The following ZFYVE9 variants were observed in gnomAD, a reference collection of about 807,000 sequenced individuals.
ZFYVE9 encodes the protein zinc finger FYVE domain-containing protein 9.
In ZFYVE9, 43 loss-of-function variants were observed where a neutral mutation model predicts 126.7. The ratio of observed to expected loss-of-function variants is 0.34; its 90% CI spans 0.27 to 0.44. ZFYVE9 has a LOEUF of 0.44. Among genes scored for constraint, ZFYVE9 ranks in the 20% least tolerant of loss-of-function variants. ZFYVE9 has a pLI of 1.00. For synonymous variants in ZFYVE9, 521 were observed against 597.4 expected (o/e 0.87, Z 1.87); for missense variants, 1,476 against 1,697.0 (o/e 0.87, Z 2.29).
intron 11 of ZFYVE9, among the ~76,000 whole-genome samples, chr1:52,294,241 T>C (rs1172410394): frequency 6.6e-6 from 1 of 152,234 alleles, no homozygotes; most frequent in African/African-American, 2.4e-5. Context: ...TCCGACCACT[T>C]GAGTAAGATT....
At chr1:52,278,703 T>G (rs1645772600) in intron 9 of ZFYVE9, 89 bp downstream of exon 9, 1 of 949,992 alleles carries the variant, frequency 1.1e-6, no homozygotes, top group South Asian at 1.9e-5. Context: ...ACAAGTATTT[T>G]TATATAGAGC....
In ZFYVE9 at chr1:52,238,099, C is replaced by T. The variant is rs1645293075; in HGVS notation, c.682C>T (p.His228Tyr). The T allele has an allele frequency of 1.2e-6, 2 of 1,613,876 alleles. No individual in the cohort carries two copies. The highest frequency in any genetic ancestry group is 1.3e-5 in the African/African-American group (1 of 74,892). ...GAAAACAGAGGGGAGATCTGTTAAC[C>T]ATCTGTGTCCTACTTCATCTGATAG... is the stretch of plus-strand genomic sequence containing the variant. ...RPKTEGRSVN[H>Y]LCPTSSDSLA... is the part of the protein sequence containing the mutation. Residue 228 changes from histidine (H) to tyrosine (Y), a missense_variant, in exon 4 of 19, where the codon CAT (histidine) becomes TAT (tyrosine). Around this residue, in one of 2 missense-constraint regions of ZFYVE9, gnomAD observed 807 missense variants for 794.6 expected, o/e 1.02. Coordinates refer to ENST00000287727, the MANE Select transcript of ZFYVE9 (RefSeq NM_004799.4).
intron 2 of ZFYVE9, among the ~76,000 whole-genome samples, chr1:52,231,627 CTCTT>C (rs1181562358): frequency 6.6e-6 from 1 of 151,946 alleles, no homozygotes; most frequent in Non-Finnish European, 1.5e-5. Context: ...TGGGAAAATA[CTCTT>C]TCTTTTTTTG....
chr1:52,168,640 C>G (rs1445990195), intron 1 of ZFYVE9, among the ~76,000 whole-genome samples: 2 of 151,838 alleles, frequency 1.3e-5, no homozygotes, highest in South Asian at 4.1e-4. Flanking sequence ...CTCAGCCTCC[C>G]AAGTAGCTGG....
intron 13 of ZFYVE9, among the ~76,000 whole-genome samples, chr1:52,323,792 A>G (rs1280005555): frequency 2.0e-5 from 3 of 151,854 alleles, no homozygotes; most frequent in Non-Finnish European, 4.4e-5. Context: ...GCACATGCCT[A>G]TAATCCCAGC....
chr1:52,276,211 A>G (rs943523039), intron 8 of ZFYVE9, among the ~76,000 whole-genome samples: 1 of 152,000 alleles, frequency 6.6e-6, no homozygotes, highest in Non-Finnish European at 1.5e-5. Flanking sequence ...CGGTCTGACA[A>G]TGTTTCTTAT....
chr1:52,211,344 A>G (rs1240072711), intron 1 of ZFYVE9, among the ~76,000 whole-genome samples: 4 of 152,204 alleles, frequency 2.6e-5, no homozygotes, highest in Admixed American at 1.3e-4. Flanking sequence ...CTACGTCACA[A>G]TCACATTAAA....
intron 17 of ZFYVE9, among the ~76,000 whole-genome samples, chr1:52,341,159 G>A (rs1646433861): frequency 6.6e-6 from 1 of 152,244 alleles, no homozygotes; most frequent in Non-Finnish European, 1.5e-5. Context: ...GGTGGAGGTT[G>A]TGGTGAGCCG....
intron 1 of ZFYVE9, among the ~76,000 whole-genome samples, chr1:52,182,989 T>C (rs899616180): frequency 6.6e-6 from 1 of 152,210 alleles, no homozygotes; most frequent in African/African-American, 2.4e-5. Flanking sequence ...GATTGGCAAT[T>C]AGAAAGTCAT....
chr1:52,197,257 G>C (rs931000893), intron 1 of ZFYVE9, among the ~76,000 whole-genome samples: 2 of 152,150 alleles, frequency 1.3e-5, no homozygotes, highest in African/African-American at 4.8e-5. Context: ...GGGAGTGATA[G>C]AGAATTACTA....
chr1:52,172,523 T>C (rs1227970888), intron 1 of ZFYVE9, among the ~76,000 whole-genome samples: 5 of 152,166 alleles, frequency 3.3e-5, no homozygotes, highest in African/African-American at 1.2e-4. Flanking sequence ...AGTAGTTTTT[T>C]CCAATTCTGT....
chr1:52,184,581 TGGGTGGC>T (rs1464298547), intron 1 of ZFYVE9, among the ~76,000 whole-genome samples: 1 of 7,870 alleles, frequency 1.3e-4, no homozygotes, highest in South Asian at 3.5e-3. Flanking sequence ...TTTCCATTTT[TGGGTGGC>T]GGGTGGTGGG....
At chr1:52,340,031 A>C (rs939966015) in intron 16 of ZFYVE9, 95 bp from the exon 17 acceptor site, 1 of 927,026 alleles carries the variant, frequency 1.1e-6, no homozygotes, top group South Asian at 1.3e-5. Context: ...TACCCAGTGT[A>C]ATTAGCAGGA....
At position 52,142,549 on chromosome 1, in the gene ZFYVE9, C is replaced by T. The variant is rs1644268691; in HGVS notation, c.-143+146C>T. ...TGCGGTCCTGGGGCCTCAGCCCTTTCTCCCCGCGTCCCCCGGGAGGCTGAA... is the reference window on the plus strand; with the variant it reads ...TGCGGTCCTGGGGCCTCAGCCCTTTTTCCCCGCGTCCCCCGGGAGGCTGAA... On this transcript the variant is annotated intron_variant, in intron 1 of 18. Transcript: ENST00000287727. The surrounding 1 kb of genome is among the most constrained non-coding windows in gnomAD (Gnocchi z 4.5). 1 of 152,164 alleles carries T rather than the reference C, an allele frequency of 6.6e-6. No homozygotes were observed. The highest frequency in any genetic ancestry group is 2.4e-5 in the African/African-American group (1 of 41,462). The allele number at this position is 152,164 out of a possible 1,614,324, so 9.4% of individuals were successfully genotyped here. A position where few individuals can be genotyped will look rare whatever the true frequency, so the allele number is the denominator to read the frequency against.
intron 1 of ZFYVE9, among the ~76,000 whole-genome samples, chr1:52,191,446 G>C (rs1644815863): frequency 6.6e-6 from 1 of 152,098 alleles, no homozygotes; most frequent in African/African-American, 2.4e-5. Context: ...TCAGACACTT[G>C]CCCTCATGAA....
At position 52,343,393 on chromosome 1, in the gene ZFYVE9, CCGAGAT is replaced by C. The variant is rs1488880997; in HGVS notation, c.3940-1372_3940-1367del. 1.4e-4 allele frequency among the ~76,000 whole-genome samples: 21 copies of C among 152,080 alleles called. 1 individual carries two copies. In the East Asian group the frequency reaches 3.9e-3, roughly 28 times the overall value. On this transcript the variant is annotated intron_variant, in intron 17 of 18. Transcript: ENST00000287727. ...CCTGGGAGGTGGAGGCTGCAGTGAGCCGAGATCGTGCCATTGCACTCCAGCCTGGGC... is the reference window on the plus strand; with the variant it reads ...CCTGGGAGGTGGAGGCTGCAGTGAGCCGTGCCATTGCACTCCAGCCTGGGC...
chr1:52,197,582 G>A (rs1252324742), intron 1 of ZFYVE9, among the ~76,000 whole-genome samples: 1 of 149,348 alleles, frequency 6.7e-6, no homozygotes, highest in African/African-American at 2.5e-5. Context: ...CAGGGATGAA[G>A]ATGAGAGATA....
Position 52,334,515 on chromosome 1 carries a change from GT to G in ZFYVE9, c.3590-171del, listed in dbSNP as rs374958769. 1.4e-4 allele frequency among the ~76,000 whole-genome samples: 22 copies of G among 152,256 alleles called. No individual in the cohort carries two copies. The East Asian group carries it at 4.1e-3, about 28-fold the overall frequency. ...ATCTTAAAACCTAGTTCCCAAAGCT[GT>G]TGTAAGCATCAGAATTGTTGGTTAC... On this transcript the variant is annotated intron_variant, in intron 14 of 18. Transcript: ENST00000287727.
chr1:52,167,200 A>C (rs982121078), intron 1 of ZFYVE9, among the ~76,000 whole-genome samples: 1 of 152,202 alleles, frequency 6.6e-6, no homozygotes, highest in African/African-American at 2.4e-5. Context: ...GTTGCTCTGT[A>C]TATCACATTA....
Sources: gnomAD v4.1 joint callset for allele counts (sites outside exome capture counted in the v4.1 genomes callset) on GRCh38, gnomAD v4.1.1 for gene constraint, gnomAD v4.1.1 regional missense constraint, Gnocchi (gnomAD v3.1) non-coding constraint, MANE v1.5 for transcripts, NCBI Gene and HGNC (gene_info 2026-07-23, HGNC 2026-07-21) for gene names.